KCND2: variants seen among roughly 807,000 people sequenced by gnomAD.
KCND2 encodes the protein A-type voltage-gated potassium channel KCND2.
KCND2 carries 16 observed loss-of-function variants against 54.4 expected under a neutral mutation model. The ratio of observed to expected loss-of-function variants is 0.29; its 90% CI spans 0.20 to 0.45. The LOEUF is 0.45. Ranked by LOEUF, KCND2 falls within the 20% of genes least tolerant of loss-of-function variation. The pLI is 1.00. For synonymous variants in KCND2, 317 were observed against 310.7 expected (o/e 1.02, Z -0.21); for missense variants, 486 against 824.2 (o/e 0.59, Z 5.02).
At chr7:120,380,925 A>G (rs1236383781) in intron 1 of KCND2, among the ~76,000 whole-genome samples, 1 of 152,108 alleles carries the variant, frequency 6.6e-6, no homozygotes, top group Non-Finnish European at 1.5e-5. Context: ...TTGGTTGAAT[A>G]AATTATTTTA....
intron 1 of KCND2, among the ~76,000 whole-genome samples, chr7:120,328,381 G>T (rs1800012086): frequency 1.3e-5 from 2 of 152,152 alleles, no homozygotes. Context: ...GTTCTTTAGA[G>T]ATTACATTTT....
chr7:120,745,764 T>C lies in KCND2; in HGVS notation c.1468-16T>C. The C allele has an allele frequency of 6.2e-7, 1 of 1,613,422 alleles. No individual in the cohort carries two copies. The highest frequency in any genetic ancestry group is 1.1e-5 in the South Asian group (1 of 91,074). Reference sequence around the variant, plus strand: ...GTGCTTCTCTGTTTCTTCATTTACTTACAACTGTGGAACAGAATCACGAGT... The same window carrying C: ...GTGCTTCTCTGTTTCTTCATTTACTCACAACTGTGGAACAGAATCACGAGT... On this transcript the variant is annotated splice_polypyrimidine_tract_variant and intron_variant, in intron 4 of 5. Transcript: ENST00000331113.
chr7:120,642,283 C>T (rs1207519298), intron 1 of KCND2, among the ~76,000 whole-genome samples: 2 of 151,684 alleles, frequency 1.3e-5, no homozygotes, highest in East Asian at 3.9e-4. Flanking sequence ...GGCCCGGTGG[C>T]TCACGCCTGT....
At chr7:120,719,920 G>A (rs1792646602) in intron 1 of KCND2, among the ~76,000 whole-genome samples, 1 of 152,074 alleles carries the variant, frequency 6.6e-6, no homozygotes, top group Non-Finnish European at 1.5e-5. Flanking sequence ...GTCACCATGA[G>A]GCTTGGAAGC....
At chr7:120,374,257 G>C (rs1800805097) in intron 1 of KCND2, among the ~76,000 whole-genome samples, 1 of 151,594 alleles carries the variant, frequency 6.6e-6, no homozygotes, top group African/African-American at 2.4e-5. Context: ...AAATTCTAAT[G>C]CTTATGACAA....
chr7:120,623,327 C>T (rs1387619513), intron 1 of KCND2, among the ~76,000 whole-genome samples: 2 of 152,118 alleles, frequency 1.3e-5, no homozygotes, highest in Non-Finnish European at 2.9e-5. Context: ...GTGATCTGCC[C>T]TCCCTTCACC....
At chr7:120,567,822 A>G (rs1041826286) in intron 1 of KCND2, among the ~76,000 whole-genome samples, 1 of 152,134 alleles carries the variant, frequency 6.6e-6, no homozygotes, top group Non-Finnish European at 1.5e-5. Context: ...AGAAAAGAAA[A>G]CGAATCTTTA....
In KCND2 at chr7:120,472,110, G is replaced by T. The variant is rs191128358; in HGVS notation, c.1115+196363G>T. Among the ~76,000 whole-genome samples, 28 of 151,278 alleles carry T rather than the reference G, an allele frequency of 1.9e-4. No individual in the cohort carries two copies. The South Asian group carries it at 3.8e-3, about 20-fold the overall frequency. On this transcript the variant is annotated intron_variant, in intron 1 of 5. Coordinates refer to ENST00000331113, the MANE Select transcript of KCND2 (RefSeq NM_012281.3). ...ACTATATAGTTTGGGGTTACCTAAG[G>T]TTATATAGTTGGAATATTACCTGAG...
chr7:120,620,706 G>C (rs1472804517), intron 1 of KCND2, among the ~76,000 whole-genome samples: 1 of 152,136 alleles, frequency 6.6e-6, no homozygotes. Context: ...TACTAGGCAA[G>C]TAAAGACCAT....
intron 1 of KCND2, among the ~76,000 whole-genome samples, chr7:120,398,276 A>G (rs928821135): frequency 5.3e-5 from 8 of 151,384 alleles, no homozygotes; most frequent in Middle Eastern, 3.4e-3. Flanking sequence ...AATAGCAAAA[A>G]TATATATTGA....
intron 1 of KCND2, among the ~76,000 whole-genome samples, chr7:120,369,575 T>C (rs961775164): frequency 3.9e-5 from 6 of 152,046 alleles, no homozygotes; most frequent in Non-Finnish European, 8.8e-5. Context: ...AGATGTAGAG[T>C]CTGCATGAAT....
intron 1 of KCND2, among the ~76,000 whole-genome samples, chr7:120,704,527 G>C (rs1352231700): frequency 1.3e-5 from 2 of 152,036 alleles, no homozygotes; most frequent in African/African-American, 4.8e-5. Context: ...TATGTACCAA[G>C]GTTTCTGTTC....
intron 1 of KCND2, among the ~76,000 whole-genome samples, chr7:120,517,652 G>A (rs1174209171): frequency 6.6e-6 from 1 of 152,076 alleles, no homozygotes; most frequent in Non-Finnish European, 1.5e-5. Context: ...TAGACCAACT[G>A]CTTAGCACAT....
chr7:120,522,154 C>A (rs1206286566), intron 1 of KCND2, among the ~76,000 whole-genome samples: 1 of 152,194 alleles, frequency 6.6e-6, no homozygotes, highest in Non-Finnish European at 1.5e-5. Context: ...ATCACCCTCT[C>A]CTGTAACTCC....
At chr7:120,728,581 C>A (rs184763544) in intron 1 of KCND2, among the ~76,000 whole-genome samples, 5 of 152,250 alleles carry the variant, frequency 3.3e-5, no homozygotes, top group Admixed American at 6.5e-5. Flanking sequence ...TGAACCATTA[C>A]ACCCAGCCTC....
At chr7:120,608,152 T>C (rs1287408281) in intron 1 of KCND2, among the ~76,000 whole-genome samples, 1 of 151,850 alleles carries the variant, frequency 6.6e-6, no homozygotes, top group Non-Finnish European at 1.5e-5. Context: ...TCAAGTGTAA[T>C]CCAACAACAG....
intron 1 of KCND2, among the ~76,000 whole-genome samples, chr7:120,596,180 C>T (rs1439771229): frequency 2.0e-5 from 3 of 152,024 alleles, no homozygotes; most frequent in Non-Finnish European, 4.4e-5. Flanking sequence ...AAGGATATAT[C>T]CAATTTTTGT....
chr7:120,367,925 T>A (rs1800710686), intron 1 of KCND2, among the ~76,000 whole-genome samples: 1 of 152,146 alleles, frequency 6.6e-6, no homozygotes, highest in Non-Finnish European at 1.5e-5. Flanking sequence ...CTTTACAGGT[T>A]TAAGTTCCTT....
At chr7:120,451,776 G>A (rs1296314234) in intron 1 of KCND2, among the ~76,000 whole-genome samples, 1 of 152,124 alleles carries the variant, frequency 6.6e-6, no homozygotes, top group Non-Finnish European at 1.5e-5. Flanking sequence ...CACCATCCTG[G>A]TGCTGTTGTA....
Sources: allele counts gnomAD v4.1 joint callset (sites outside exome capture counted in the v4.1 genomes callset), GRCh38; gene constraint gnomAD v4.1.1; transcripts MANE v1.5; gene names NCBI Gene and HGNC (gene_info 2026-07-23, HGNC 2026-07-21).